Variants in FHIT observed in about 807,000 individuals in gnomAD.
FHIT encodes bis(5'-adenosyl)-triphosphatase.
FHIT carries 19 observed loss-of-function variants against 17.9 expected under a neutral mutation model. That is an observed-to-expected ratio of 1.06 (90% confidence interval 0.74 to 1.56). The LOEUF (loss-of-function observed/expected upper bound fraction) is 1.56, where lower values mean the gene tolerates loss of function less well. Ranked by LOEUF, FHIT falls within the 40% of genes most tolerant of loss-of-function variation. The pLI is 0.00. For missense variants in FHIT, 248 were observed against 189.2 expected (o/e 1.31, Z -1.82); for synonymous variants, 81 against 69.7 (o/e 1.16, Z -0.81).
chr3:60,221,490 G>GT (rs748306552), intron 5 of FHIT, among the ~76,000 whole-genome samples: 36 of 152,194 alleles, frequency 2.4e-4, no homozygotes, highest in Non-Finnish European at 3.4e-4. Flanking sequence ...ATATCAGATC[G>GT]TATCACATTA....
chr3:60,777,232 A>G (rs935263468), intron 4 of FHIT, among the ~76,000 whole-genome samples: 2 of 152,230 alleles, frequency 1.3e-5, no homozygotes, highest in African/African-American at 2.4e-5. Flanking sequence ...AGGTCCTGAG[A>G]ACATGTGCCC....
intron 5 of FHIT, among the ~76,000 whole-genome samples, chr3:60,112,417 T>A (rs726409): frequency 0.72 from 109,657 of 152,120 alleles, 39,788 homozygotes; most frequent in South Asian, 0.81. Context: ...TTCAGAAGCC[T>A]GATCATAGCG....
At chr3:61,003,557 A>T (rs2031242380) in intron 3 of FHIT, among the ~76,000 whole-genome samples, 1 of 152,226 alleles carries the variant, frequency 6.6e-6, no homozygotes, top group African/African-American at 2.4e-5. Context: ...TGAAGCTATG[A>T]CTGCTCTAGT....
chr3:60,464,475 C>T (rs1273058583), intron 5 of FHIT, among the ~76,000 whole-genome samples: 1 of 152,024 alleles, frequency 6.6e-6, no homozygotes, highest in Admixed American at 6.6e-5. Flanking sequence ...TATGTAACAA[C>T]ATCTGTGTAT....
At chr3:61,028,307 C>T (rs1360984719) in intron 3 of FHIT, among the ~76,000 whole-genome samples, 1 of 152,176 alleles carries the variant, frequency 6.6e-6, no homozygotes. Context: ...GATATGGCTC[C>T]TTCCTGCCTC....
intron 5 of FHIT, among the ~76,000 whole-genome samples, chr3:60,437,481 G>T (rs2030376579): frequency 6.6e-6 from 1 of 152,002 alleles, no homozygotes; most frequent in Non-Finnish European, 1.5e-5. Context: ...CCTGCTCTAT[G>T]CCCGCCATGA....
intron 8 of FHIT, among the ~76,000 whole-genome samples, chr3:59,794,787 A>G (rs987873144): frequency 6.6e-6 from 1 of 152,188 alleles, no homozygotes; most frequent in Non-Finnish European, 1.5e-5. Flanking sequence ...AGAAACTGAG[A>G]CAGCTCTCAA....
chr3:61,107,591 A>G (rs1038327370), intron 2 of FHIT, among the ~76,000 whole-genome samples: 6 of 152,316 alleles, frequency 3.9e-5, no homozygotes, highest in East Asian at 1.9e-4. Flanking sequence ...AACAGTGTAC[A>G]TGGGTTGCTT....
chr3:60,339,783 C>A (rs933755062), intron 5 of FHIT, among the ~76,000 whole-genome samples: 6 of 152,154 alleles, frequency 3.9e-5, no homozygotes, highest in African/African-American at 1.4e-4. Flanking sequence ...TGTTCCTGGG[C>A]ACCATGTGTA....
At chr3:60,611,532 G>A (rs2038785854) in intron 4 of FHIT, among the ~76,000 whole-genome samples, 1 of 152,156 alleles carries the variant, frequency 6.6e-6, no homozygotes, top group South Asian at 2.1e-4. Flanking sequence ...CTTAGTCCAA[G>A]CCTTTCCTTA....
chr3:61,091,702 CT>C (rs1275697224), intron 2 of FHIT, among the ~76,000 whole-genome samples: 19 of 152,054 alleles, frequency 1.2e-4, no homozygotes, highest in Admixed American at 7.2e-4. Context: ...AATCTTAGCA[CT>C]TTGGGAGGCC....
chr3:60,019,417 T>TC (rs1394553896), intron 5 of FHIT, among the ~76,000 whole-genome samples: 1 of 144,164 alleles, frequency 6.9e-6, no homozygotes, highest in Non-Finnish European at 1.5e-5. Flanking sequence ...AGATGCTCCT[T>TC]TTTTTTTTTT....
intron 4 of FHIT, among the ~76,000 whole-genome samples, chr3:60,542,067 T>C (rs1158340265): frequency 6.6e-6 from 1 of 152,216 alleles, no homozygotes; most frequent in Non-Finnish European, 1.5e-5. Flanking sequence ...GTACATACAT[T>C]TTTTGTCAAA....
At chr3:60,297,428 C>T (rs1708262143) in intron 5 of FHIT, among the ~76,000 whole-genome samples, 1 of 151,916 alleles carries the variant, frequency 6.6e-6, no homozygotes, top group South Asian at 2.1e-4. Flanking sequence ...TGGTATCTAT[C>T]TGTTGATTGC....
In FHIT at chr3:60,624,326, C is replaced by T. The variant is rs7638316; in HGVS notation, c.-17-87347G>A. On this transcript the variant is annotated intron_variant, in intron 4 of 9. Transcript: ENST00000492590. Reference sequence around the variant, plus strand: ...TGGGCTTCAACTTGACAATGATGAACACATATTTGGCAAGATTTGGCAGAG... The same window carrying T: ...TGGGCTTCAACTTGACAATGATGAATACATATTTGGCAAGATTTGGCAGAG... Among the ~76,000 whole-genome samples, 921 of 152,202 alleles carry T rather than the reference C, an allele frequency of 6.1e-3. 12 individuals are homozygous for T. The highest frequency in any genetic ancestry group is 0.021 in the African/African-American group (870 of 41,518).
intron 5 of FHIT, among the ~76,000 whole-genome samples, chr3:60,482,543 A>T (rs951095573): frequency 5.3e-5 from 8 of 152,174 alleles, no homozygotes; most frequent in Non-Finnish European, 1.2e-4. Flanking sequence ...CCACACAATT[A>T]CATGGAAATT....
intron 7 of FHIT, among the ~76,000 whole-genome samples, chr3:59,937,513 T>A (rs745627186): frequency 6.6e-5 from 10 of 152,216 alleles, no homozygotes; most frequent in Non-Finnish European, 1.5e-4. Flanking sequence ...GTTTCTTTAG[T>A]GTGAATAAAT....
At chr3:60,237,153 A>C (rs1704840859) in intron 5 of FHIT, among the ~76,000 whole-genome samples, 1 of 152,212 alleles carries the variant, frequency 6.6e-6, no homozygotes, top group Admixed American at 6.5e-5. Flanking sequence ...GTTTTCAAAA[A>C]TAGAATTACT....
At chr3:60,630,568 T>C (rs951587635) in intron 4 of FHIT, among the ~76,000 whole-genome samples, 5 of 152,180 alleles carry the variant, frequency 3.3e-5, no homozygotes, top group East Asian at 3.9e-4. Flanking sequence ...TGGGAACTAA[T>C]TGTGTTCTAG....
Sources: allele counts gnomAD v4.1 joint callset (sites outside exome capture counted in the v4.1 genomes callset), GRCh38; gene constraint gnomAD v4.1.1; transcripts MANE v1.5; gene names NCBI Gene and HGNC (gene_info 2026-07-23, HGNC 2026-07-21).